DNAH7: variants seen among roughly 807,000 people sequenced by gnomAD.
The protein encoded by DNAH7 is dynein axonemal heavy chain 7.
A neutral mutation model predicts 444.6 loss-of-function variants in DNAH7; 397 were observed. The observed-to-expected ratio is 0.89, with a 90% CI of 0.82 to 0.97. The LOEUF (loss-of-function observed/expected upper bound fraction) is 0.97. Among genes scored for constraint, DNAH7 ranks in the 50% least tolerant of loss-of-function variants. The pLI, the probability that DNAH7 is intolerant of heterozygous loss-of-function variation, is 0.00. For synonymous variants in DNAH7, 1,636 were observed against 1,624.4 expected (o/e 1.01, Z -0.17); for missense variants, 4,902 against 4,800.8 (o/e 1.02, Z -0.62).
At chr2:195,902,102 G>T (rs906847088) in intron 27 of DNAH7, 2 of 152,044 alleles carry the variant, frequency 1.3e-5, no homozygotes, top group Non-Finnish European at 2.9e-5. Context: ...AGTACATTCT[G>T]GGAATTAGTT....
intron 5 of DNAH7, among the ~76,000 whole-genome samples, chr2:196,041,313 A>G (rs1278109665): frequency 6.6e-6 from 1 of 152,148 alleles, no homozygotes; most frequent in Non-Finnish European, 1.5e-5. Flanking sequence ...TTCAAAATAC[A>G]GTACAAAGCT....
intron 46 of DNAH7, among the ~76,000 whole-genome samples, chr2:195,853,031 A>T (rs10206986): frequency 0.042 from 6,356 of 152,096 alleles, 198 homozygotes; most frequent in African/African-American, 0.081. Context: ...ATTACTTTTT[A>T]AAAAAAATTT....
At chr2:195,786,568 G>T (rs13014191) in intron 58 of DNAH7, among the ~76,000 whole-genome samples, 63,756 of 145,280 alleles carry the variant, frequency 0.44, 15,502 homozygotes, top group Non-Finnish European at 0.57. Context: ...GGCTTAAATA[G>T]ATTTTTTTTT....
intron 14 of DNAH7, among the ~76,000 whole-genome samples, chr2:195,986,640 AAAAG>A (rs1692930585): frequency 6.6e-6 from 1 of 152,184 alleles, no homozygotes; most frequent in East Asian, 1.9e-4. Flanking sequence ...ATTTCCAGAT[AAAAG>A]AAAAAGTTAC....
rs1696732302 is a variant in DNAH7, at chr2:195,806,730, C to T, written c.10176+10G>A. On this transcript the variant is annotated intron_variant, in intron 54 of 64. Transcript: ENST00000312428. ...GGAATCATTGAGCTGTTTTCAAAGCCCACATTTACCTTGTCTGGCCTCAAG... is the reference window on the plus strand; with the variant it reads ...GGAATCATTGAGCTGTTTTCAAAGCTCACATTTACCTTGTCTGGCCTCAAG... The T allele has an allele frequency of 6.2e-7, 1 of 1,611,216 alleles. No individual in the cohort carries two copies. Among genetic ancestry groups the T allele is most frequent in the East Asian group, 2.2e-5 (1 of 44,778 alleles).
At chr2:195,993,001 C>T (rs1403227877) in intron 12 of DNAH7, among the ~76,000 whole-genome samples, 2 of 152,208 alleles carry the variant, frequency 1.3e-5, no homozygotes, top group African/African-American at 4.8e-5. Flanking sequence ...GCCACTCACA[C>T]AATGGGAATG....
chr2:195,746,779 A>C (rs1175745641), intron 63 of DNAH7, among the ~76,000 whole-genome samples: 1 of 152,214 alleles, frequency 6.6e-6, no homozygotes, highest in Non-Finnish European at 1.5e-5. Flanking sequence ...GCAGAAATAA[A>C]GATGTTCTTT....
chr2:196,063,088 G>C (rs1698223579), intron 1 of DNAH7, among the ~76,000 whole-genome samples: 1 of 152,106 alleles, frequency 6.6e-6, no homozygotes, highest in Admixed American at 6.5e-5. Context: ...CGCTACGTTA[G>C]CCAGGCTGGT....
intron 10 of DNAH7, among the ~76,000 whole-genome samples, chr2:196,003,101 T>C (rs1189538635): frequency 6.9e-6 from 1 of 144,412 alleles, no homozygotes; most frequent in Non-Finnish European, 1.5e-5. Flanking sequence ...AATAAAAGGA[T>C]AGATATAATT....
At chr2:195,929,034 A>G (rs2125381994) in intron 21 of DNAH7, among the ~76,000 whole-genome samples, 1 of 152,304 alleles carries the variant, frequency 6.6e-6, no homozygotes, top group East Asian at 1.9e-4. Context: ...GTTTCAGGAT[A>G]TAAAATCAAT....
intron 43 of DNAH7, 57 bp downstream of exon 43, chr2:195,858,417 T>G: frequency 2.9e-6 from 4 of 1,385,936 alleles, no homozygotes; most frequent in Non-Finnish European, 3.9e-6. Context: ...ACAATGCTAA[T>G]TTCTTTCTTG....
chr2:195,872,932 A>AGAAAAAAAG (rs1279158881), intron 39 of DNAH7, among the ~76,000 whole-genome samples: 1 of 150,556 alleles, frequency 6.6e-6, no homozygotes, highest in African/African-American at 2.5e-5. Flanking sequence ...TAAGGAAAAG[A>AGAAAAAAAG]GAAAAAAAGG....
intron 58 of DNAH7, among the ~76,000 whole-genome samples, 174 bp downstream of exon 58, chr2:195,786,836 T>C (rs989196168): frequency 7.9e-5 from 12 of 152,222 alleles, no homozygotes; most frequent in Admixed American, 2.6e-4. Flanking sequence ...CTACCTAGTA[T>C]AGCAGTTATA....
chr2:195,746,111 C>A (rs193277212), intron 63 of DNAH7, among the ~76,000 whole-genome samples: 2 of 152,104 alleles, frequency 1.3e-5, no homozygotes, highest in Non-Finnish European at 2.9e-5. Flanking sequence ...ATCCATCTCA[C>A]GTGCAGAGAC....
chr2:196,061,562 T>G (rs1455001273), intron 1 of DNAH7, among the ~76,000 whole-genome samples: 1 of 152,186 alleles, frequency 6.6e-6, no homozygotes, highest in South Asian at 2.1e-4. Flanking sequence ...GATTCCTCCC[T>G]TTTTCTCATA....
chr2:195,762,380 A>G (rs1694386418), intron 61 of DNAH7, among the ~76,000 whole-genome samples: 2 of 152,300 alleles, frequency 1.3e-5, no homozygotes, highest in African/African-American at 2.4e-5. Flanking sequence ...TTACTTATCA[A>G]TAATAATGTT....
chr2:195,747,059 G>T (rs865936153), intron 63 of DNAH7, among the ~76,000 whole-genome samples: 1 of 152,166 alleles, frequency 6.6e-6, no homozygotes, highest in South Asian at 2.1e-4. Context: ...GAATCCAGGA[G>T]CTGGTTTTTT....
At chr2:196,005,020 C>T (rs1694277510) in intron 10 of DNAH7, among the ~76,000 whole-genome samples, 1 of 150,622 alleles carries the variant, frequency 6.6e-6, no homozygotes, top group Non-Finnish European at 1.5e-5. Context: ...CCTGTAATCC[C>T]AGCACTTTGG....
intron 24 of DNAH7, among the ~76,000 whole-genome samples, chr2:195,911,836 T>G (rs907750441): frequency 6.6e-6 from 1 of 152,126 alleles, no homozygotes; most frequent in African/African-American, 2.4e-5. Flanking sequence ...CTGGAACAAT[T>G]ACTAGAAGAC....
Sources: gnomAD v4.1 joint callset for allele counts (sites outside exome capture counted in the v4.1 genomes callset) on GRCh38, gnomAD v4.1.1 for gene constraint, MANE v1.5 for transcripts, NCBI Gene and HGNC (gene_info 2026-07-23, HGNC 2026-07-21) for gene names.